POMGNT2: variants seen among roughly 807,000 people sequenced by gnomAD.
POMGNT2 encodes the protein protein O-linked mannose N-acetylglucosaminyltransferase 2 (beta 1,4-).
A neutral mutation model predicts 37.8 loss-of-function variants in POMGNT2; 32 were observed. That is an observed-to-expected ratio of 0.85 (90% CI 0.64 to 1.14). The LOEUF (loss-of-function observed/expected upper bound fraction) is 1.14, where lower values mean the gene tolerates loss of function less well. Ranked by LOEUF, POMGNT2 falls within the 50% of genes most tolerant of loss-of-function variation. The pLI, the probability that POMGNT2 is intolerant of heterozygous loss-of-function variation, is 0.00. For synonymous variants in POMGNT2, 340 were observed against 336.8 expected, an observed-to-expected ratio of 1.01 and a Z score of -0.10; for missense variants, 705 against 780.6, an observed-to-expected ratio of 0.90 and a Z score of 1.15.
intron 1 of POMGNT2, among the ~76,000 whole-genome samples, chr3:43,103,072 A>C (rs1157982458): frequency 6.6e-6 from 1 of 152,126 alleles, no homozygotes; most frequent in East Asian, 1.9e-4. Flanking sequence ...GTGATAATTT[A>C]TCCCATGTGC....
Position 43,079,972 on chromosome 3 carries a change from T to C in POMGNT2, c.1460A>G (p.Glu487Gly), listed in dbSNP as rs993321560. 6.2e-7 allele frequency: 1 copy of C among 1,613,824 alleles called. No homozygotes were observed. The highest frequency in any genetic ancestry group is 1.7e-5 in the Admixed American group (1 of 60,008). Residue 487 changes from glutamate to glycine, a missense_variant, in exon 2 of 2, where the codon GAG becomes GGG. Physicochemically the swap from Glu to Gly is moderately conservative, Grantham distance 98 (BLOSUM62 -2). Transcript: ENST00000344697. ...TVGLYPGKVR[E>G]ARCQASVHGA... The stretch of plus-strand genomic sequence containing the variant: ...ATGCACTGACGCCTGGCACCGTGCC[T>C]CCCGCACCTTGCCTGGATATAGGCC...
At chr3:43,084,782 T>A (rs1284586596) in intron 1 of POMGNT2, among the ~76,000 whole-genome samples, 1 of 152,258 alleles carries the variant, frequency 6.6e-6, no homozygotes, top group Non-Finnish European at 1.5e-5. Context: ...GATTCTTTCC[T>A]GTGTCCTTTT....
chr3:43,097,384 A>G (rs529702847), intron 1 of POMGNT2, among the ~76,000 whole-genome samples: 1 of 152,224 alleles, frequency 6.6e-6, no homozygotes, highest in Admixed American at 6.5e-5. Context: ...GAGTGCCTTA[A>G]ATGACAGAAT....
chr3:43,087,724 T>C (rs1212136011), intron 1 of POMGNT2: 1 of 152,206 alleles, frequency 6.6e-6, no homozygotes, highest in Non-Finnish European at 1.5e-5. Flanking sequence ...TGGAGACACC[T>C]TTAAAGGTAT....
At chr3:43,099,099 C>T (rs745367689) in intron 1 of POMGNT2, among the ~76,000 whole-genome samples, 62 of 152,104 alleles carry the variant, frequency 4.1e-4, no homozygotes, top group Middle Eastern at 6.8e-3. Flanking sequence ...ATGGAGAACA[C>T]GCCTACACCA....
chr3:43,086,065 T>C (rs1160167386), intron 1 of POMGNT2, among the ~76,000 whole-genome samples: 11 of 152,158 alleles, frequency 7.2e-5, no homozygotes, highest in Admixed American at 2.6e-4. Flanking sequence ...AGGGATAAAT[T>C]TGTCTACTCT....
At chr3:43,102,904 T>A (rs565876269) in intron 1 of POMGNT2, among the ~76,000 whole-genome samples, 2 of 152,176 alleles carry the variant, frequency 1.3e-5, no homozygotes, top group East Asian at 3.9e-4. Context: ...GCCCTGGAAA[T>A]GTAGAACCAC....
chr3:43,100,322 G>A (rs1444849729), intron 1 of POMGNT2, among the ~76,000 whole-genome samples: 1 of 152,176 alleles, frequency 6.6e-6, no homozygotes, highest in African/African-American at 2.4e-5. Flanking sequence ...CATTTACATT[G>A]TATTAGGTAT....
intron 1 of POMGNT2, among the ~76,000 whole-genome samples, chr3:43,101,784 C>T (rs2090021014): frequency 6.6e-6 from 1 of 152,164 alleles, no homozygotes; most frequent in Non-Finnish European, 1.5e-5. Context: ...CTGTTCCTAC[C>T]TTTTGCTAAG....
At chr3:43,097,485 G>C (rs1402481812) in intron 1 of POMGNT2, among the ~76,000 whole-genome samples, 11 of 152,024 alleles carry the variant, frequency 7.2e-5, no homozygotes, top group African/African-American at 2.4e-4. Flanking sequence ...GGAGGGAGGA[G>C]AGGGGCAGGT....
In POMGNT2 at chr3:43,105,832, TTACCTGAAGCC is replaced by T. The variant is rs1274137031; in HGVS notation, c.-113_-106+3del. 1.3e-5 allele frequency: 2 copies of T among 151,860 alleles called. No individual in the cohort carries two copies. Among genetic ancestry groups the T allele is most frequent in the African/African-American group, 4.8e-5 (2 of 41,362 alleles). The allele number at this position is 151,860 out of a possible 1,614,324, so 9.4% of individuals were successfully genotyped here. ...CTCCAGCCCCAAGCGCGCGCGCGTC[TTACCTGAAGCC>T]TGGACTCCGCGGGACGAAGCCACCT... On this transcript the variant is annotated splice_donor_variant and splice_donor_region_variant and 5_prime_UTR_variant and intron_variant, in exon 1 of 2. Transcript: ENST00000344697. LOFTEE classifies it low-confidence loss of function (5UTR_SPLICE).
intron 1 of POMGNT2, chr3:43,087,400 C>G (rs1322719779): frequency 6.6e-6 from 1 of 152,244 alleles, no homozygotes. Context: ...CCCAATGTCA[C>G]ACAGCAAATC....
intron 1 of POMGNT2, among the ~76,000 whole-genome samples, chr3:43,092,499 T>C (rs1218436298): frequency 6.6e-6 from 1 of 152,188 alleles, no homozygotes; most frequent in East Asian, 1.9e-4. Flanking sequence ...GGTCTGGCCA[T>C]GTTGCCTAGG....
chr3:43,080,719 T>C lies in POMGNT2; in HGVS notation c.713A>G (p.Lys238Arg), dbSNP rs766265806. Reference protein sequence around the residue: ...CFSHAFVGLSKITTWYQYGFV... With the variant: ...CFSHAFVGLSRITTWYQYGFV... ...GCCATACTGGTACCAGGTAGTGATC[T>C]TGGAGAGGCCCACAAAAGCATGGGA... The change falls in exon 2 of 2, where the codon AAG (lysine) becomes AGG (arginine). Residue 238 changes from lysine to arginine, a missense_variant. Transcript: ENST00000344697. 2 of 1,614,130 alleles carry C rather than the reference T, an allele frequency of 1.2e-6. No homozygotes were observed. The highest frequency in any genetic ancestry group is 2.2e-5 in the East Asian group (1 of 44,868).
At position 43,079,729 on chromosome 3, in the gene POMGNT2, A is replaced by T; in HGVS notation, c.1703T>A (p.Leu568His). 1 of 1,614,106 alleles carries T rather than the reference A, an allele frequency of 6.2e-7. No individual in the cohort carries two copies. Among genetic ancestry groups the T allele is most frequent in the Non-Finnish European group, 8.5e-7 (1 of 1,180,002 alleles). Residue 568 changes from leucine (L) to histidine (H), a missense_variant, in exon 2 of 2, where the codon CTC (leucine) becomes CAC (histidine). Physicochemically the swap from Leu to His is moderately conservative, Grantham distance 99 (BLOSUM62 -3). Transcript: ENST00000344697. ...VWVRCIFNKI[L>H]LGPFADVLVC... ...CAGCACATCTGCAAAGGGTCCCAGG[A>T]GGATCTTGTTGAAGATGCAGCGGAC...
chr3:43,098,862 T>TATGCAACCCTCTCAC lies in POMGNT2; in HGVS notation c.-106+6959_-106+6973dup, dbSNP rs80170923. On this transcript the variant is annotated intron_variant, in intron 1 of 1. Transcript: ENST00000344697. This position sits in a 1 kb window ranked among gnomAD's most constrained non-coding sequence, Gnocchi z 4.3. ...GGACGTTCGGCCTTCCACCAGCTCA[T>TATGCAACCCTCTCAC]ATGCAACCCTCTCACCGGTTTTCAG... is the stretch of plus-strand genomic sequence containing the variant. 0.18 allele frequency among the ~76,000 whole-genome samples: 27,078 copies of TATGCAACCCTCTCAC among 152,022 alleles called. 2,437 individuals carry two copies. The highest frequency in any genetic ancestry group is 0.22 in the Middle Eastern group (65 of 294).
At chr3:43,093,651 C>T (rs1429872452) in intron 1 of POMGNT2, among the ~76,000 whole-genome samples, 1 of 152,164 alleles carries the variant, frequency 6.6e-6, no homozygotes, top group Non-Finnish European at 1.5e-5. Flanking sequence ...GTCTACACCG[C>T]TGTCTGATGA....
intron 1 of POMGNT2, among the ~76,000 whole-genome samples, chr3:43,104,826 C>T (rs1028302430): frequency 1.3e-5 from 2 of 152,192 alleles, no homozygotes; most frequent in South Asian, 2.1e-4. Context: ...TTCATCCCCA[C>T]TGCAACCCCG....
At position 43,106,030 on chromosome 3, in the gene POMGNT2, G is replaced by A. The variant is rs1443272283; in HGVS notation, c.-300C>T. The A allele has an allele frequency of 5.3e-5, 8 of 151,744 alleles. No individual in the cohort carries two copies. Among genetic ancestry groups the A allele is most frequent in the South Asian group, 2.1e-4 (1 of 4,822 alleles). 9.4% of individuals were successfully genotyped at this position (151,744 alleles called of 1,614,324 possible). ...GCGACCGCCACCTCCAGGCTCGCAG[G>A]TGTCCGCCGTGCGCCTGCCCGGCGG... On this transcript the variant is annotated 5_prime_UTR_variant, in exon 1 of 2. Transcript: ENST00000344697.
Sources: gnomAD v4.1 joint callset for allele counts (sites outside exome capture counted in the v4.1 genomes callset) on GRCh38, gnomAD v4.1.1 for gene constraint, Gnocchi (gnomAD v3.1) non-coding constraint, MANE v1.5 for transcripts, NCBI Gene and HGNC (gene_info 2026-07-23, HGNC 2026-07-21) for gene names.